ADCY1: variants seen among roughly 807,000 people sequenced by gnomAD.
ADCY1 encodes the protein adenylate cyclase type 1.
In ADCY1, 28 loss-of-function variants were observed where a neutral mutation model predicts 105.4. The ratio of observed to expected loss-of-function variants is 0.27; its 90% CI spans 0.20 to 0.36. The LOEUF (loss-of-function observed/expected upper bound fraction) is 0.36, where lower values mean the gene tolerates loss of function less well. Among genes scored for constraint, ADCY1 ranks in the 10% least tolerant of loss-of-function variants. ADCY1 has a pLI of 1.00. For synonymous variants in ADCY1, 655 were observed against 623.8 expected (o/e 1.05, Z -0.75); for missense variants, 977 against 1,434.2 (o/e 0.68, Z 5.15).
intron 4 of ADCY1, among the ~76,000 whole-genome samples, chr7:45,635,320 A>G (rs1454367893): frequency 3.9e-5 from 6 of 151,936 alleles, no homozygotes; most frequent in Non-Finnish European, 7.4e-5. Flanking sequence ...TTTAAAAAAT[A>G]ACTGCTTTTC....
At chr7:45,578,026 G>C (rs936023209) in intron 1 of ADCY1, among the ~76,000 whole-genome samples, 4 of 152,204 alleles carry the variant, frequency 2.6e-5, no homozygotes, top group African/African-American at 9.7e-5. Context: ...AGGGTTCCCT[G>C]CAGCATTCAT....
chr7:45,596,222 GT>G (rs1036690347), intron 2 of ADCY1, among the ~76,000 whole-genome samples: 1 of 152,246 alleles, frequency 6.6e-6, no homozygotes, highest in Non-Finnish European at 1.5e-5. Flanking sequence ...TGCCTTTCAT[GT>G]TTTAATTTCA....
At chr7:45,656,851 C>T (rs1250542402) in intron 5 of ADCY1, among the ~76,000 whole-genome samples, 3 of 152,164 alleles carry the variant, frequency 2.0e-5, no homozygotes, top group Non-Finnish European at 4.4e-5. Flanking sequence ...GTATTTCCAT[C>T]CCGGATGGAA....
intron 5 of ADCY1, among the ~76,000 whole-genome samples, chr7:45,656,593 T>G (rs1176778161): frequency 4.6e-5 from 7 of 151,766 alleles, no homozygotes; most frequent in African/African-American, 1.7e-4. Flanking sequence ...GGGGAAGCAG[T>G]GGGGTTGTGT....
intron 3 of ADCY1, among the ~76,000 whole-genome samples, chr7:45,618,756 A>G (rs183409971): frequency 6.6e-6 from 1 of 152,302 alleles, no homozygotes; most frequent in East Asian, 1.9e-4. Flanking sequence ...CTCTTGTACC[A>G]GTTGGTGGGA....
At chr7:45,637,857 T>C (rs930676643) in intron 4 of ADCY1, among the ~76,000 whole-genome samples, 2 of 152,260 alleles carry the variant, frequency 1.3e-5, no homozygotes, top group African/African-American at 2.4e-5. Context: ...TTTCACCACA[T>C]GGAGAATTCT....
intron 14 of ADCY1, among the ~76,000 whole-genome samples, chr7:45,699,542 G>A (rs1009785834): frequency 5.3e-5 from 8 of 151,824 alleles, no homozygotes; most frequent in Admixed American, 1.3e-4. Context: ...GCAGCCTCCC[G>A]AGCAGCCAGG....
chr7:45,610,336 A>C, intron 2 of ADCY1, 43 bp from the exon 3 acceptor site: 1 of 1,558,108 alleles, frequency 6.4e-7, no homozygotes, highest in Non-Finnish European at 8.8e-7. Flanking sequence ...GAGTGGAGGG[A>C]GGGGGCCCTG....
At chr7:45,669,067 T>C (rs1291161898) in intron 8 of ADCY1, among the ~76,000 whole-genome samples, 1 of 152,176 alleles carries the variant, frequency 6.6e-6, no homozygotes, top group Non-Finnish European at 1.5e-5. Flanking sequence ...TTTGTTGATC[T>C]TTTCAAAAAA....
intron 10 of ADCY1, among the ~76,000 whole-genome samples, 180 bp downstream of exon 10, chr7:45,678,443 T>C (rs758868548): frequency 1.4e-4 from 21 of 152,214 alleles, no homozygotes; most frequent in Non-Finnish European, 2.9e-4. Context: ...TTTCCTCATT[T>C]TCTCAAGTCA....
At chr7:45,677,031 A>T (rs566124243) in intron 8 of ADCY1, among the ~76,000 whole-genome samples, 12 of 151,950 alleles carry the variant, frequency 7.9e-5, no homozygotes, top group African/African-American at 2.7e-4. Context: ...GTCTGGGATA[A>T]ATAAGGCAGA....
At chr7:45,576,536 C>G (rs1792354357) in intron 1 of ADCY1, among the ~76,000 whole-genome samples, 1 of 152,066 alleles carries the variant, frequency 6.6e-6, no homozygotes. Flanking sequence ...AGGTGAAGGG[C>G]AGAGGCACAA....
In ADCY1 at chr7:45,575,367, A is replaced by G. The variant is rs946797499; in HGVS notation, c.639+185A>G. Among the ~76,000 whole-genome samples, 1 of 152,216 alleles carries G rather than the reference A, an allele frequency of 6.6e-6. No individual in the cohort carries two copies. Among genetic ancestry groups the G allele is most frequent in the Admixed American group, 6.5e-5 (1 of 15,290 alleles). ...CAGTCGGGGCTGGCACCCTCCGGCC[A>G]GGGCTCTCTTCAGAGTTACAATCCA... On this transcript the variant is annotated intron_variant, in intron 1 of 19. Transcript: ENST00000297323. This position sits in a 1 kb window ranked among gnomAD's most constrained non-coding sequence, Gnocchi z 4.7.
At chr7:45,654,833 C>G (rs111394389) in intron 5 of ADCY1, among the ~76,000 whole-genome samples, 1 of 152,110 alleles carries the variant, frequency 6.6e-6, no homozygotes, top group Non-Finnish European at 1.5e-5. Flanking sequence ...TATTCTAGAT[C>G]GAGAAGCTGC....
intron 6 of ADCY1, among the ~76,000 whole-genome samples, chr7:45,658,500 A>C (rs558943846): frequency 5.6e-4 from 85 of 152,264 alleles, no homozygotes; most frequent in African/African-American, 2.0e-3. Context: ...AGTGGCTATC[A>C]TGGCAGGCAG....
intron 14 of ADCY1, among the ~76,000 whole-genome samples, chr7:45,692,743 G>A (rs753826496): frequency 3.9e-5 from 6 of 152,134 alleles, no homozygotes; most frequent in Non-Finnish European, 8.8e-5. Flanking sequence ...GATTTGTTAA[G>A]TAATTTGATC....
At chr7:45,590,555 G>A (rs1792882834) in intron 1 of ADCY1, among the ~76,000 whole-genome samples, 1 of 152,062 alleles carries the variant, frequency 6.6e-6, no homozygotes, top group South Asian at 2.1e-4. Context: ...TCTGAGCGCT[G>A]AACACACCCT....
At chr7:45,595,323 AG>A (rs1253665682) in intron 2 of ADCY1, among the ~76,000 whole-genome samples, 1 of 152,090 alleles carries the variant, frequency 6.6e-6, no homozygotes, top group African/African-American at 2.4e-5. Context: ...GGTGGGGCCC[AG>A]GGGGGTTGGG....
chr7:45,636,045 A>G (rs1794393047), intron 4 of ADCY1, among the ~76,000 whole-genome samples: 2 of 152,118 alleles, frequency 1.3e-5, no homozygotes, highest in African/African-American at 4.8e-5. Context: ...TTCTTGATAA[A>G]TTGACTATTT....
Sources: gnomAD v4.1 joint callset for allele counts (sites outside exome capture counted in the v4.1 genomes callset) on GRCh38, gnomAD v4.1.1 for gene constraint, Gnocchi (gnomAD v3.1) non-coding constraint, MANE v1.5 for transcripts, NCBI Gene and HGNC (gene_info 2026-07-23, HGNC 2026-07-21) for gene names.